The following GORASP1 variants were observed in gnomAD, a reference collection of about 807,000 sequenced individuals.
GORASP1 encodes golgi reassembly stacking protein 1, also known as Golgi reassembly-stacking protein 1.
In GORASP1, 31 loss-of-function variants were observed where a neutral mutation model predicts 37.7. The ratio of observed to expected loss-of-function variants is 0.82; its 90% CI spans 0.62 to 1.11. GORASP1 has a LOEUF of 1.11. Ranked by LOEUF, GORASP1 falls within the 50% of genes least tolerant of loss-of-function variation. The probability of loss-of-function intolerance (pLI) is 0.00; values close to 1 mark genes in which losing one functional copy is unlikely to be tolerated. For synonymous variants in GORASP1, 204 were observed against 224.8 expected (o/e 0.91, Z 0.83); for missense variants, 476 against 560.7 (o/e 0.85, Z 1.53).
rs762156652 is a variant in GORASP1, at chr3:39,100,041, A to C, written c.765+264T>G. Among the ~76,000 whole-genome samples the C allele has an allele frequency of 2.6e-5, 4 of 152,184 alleles. No individual in the cohort carries two copies. The highest frequency in any genetic ancestry group is 4.4e-5 in the Non-Finnish European group (3 of 68,026). ...GCCACAACTCACAGGCACAGCAAGC[A>C]CCCATCTCTGAGCCTCAGTTTCCCA... On this transcript the variant is annotated intron_variant, in intron 6 of 8. Coordinates refer to ENST00000319283, the MANE Select transcript of GORASP1 (RefSeq NM_031899.4). This position sits in a 1 kb window ranked among gnomAD's most constrained non-coding sequence, Gnocchi z 4.6.
At position 39,098,611 on chromosome 3, in the gene GORASP1, A is replaced by C; in HGVS notation, c.1070-122T>G. 1 of 1,497,550 alleles carries C rather than the reference A, an allele frequency of 6.7e-7. No homozygotes were observed. The highest frequency in any genetic ancestry group is 1.3e-5 in the South Asian group (1 of 77,532). The allele number at this position is 1,497,550 out of a possible 1,614,324, so 92.8% of individuals were successfully genotyped here. A position where few individuals can be genotyped will look rare whatever the true frequency, so the allele number is the denominator to read the frequency against. The stretch of plus-strand genomic sequence containing the variant: ...AGGTTTGATGGGGGATTGGAGATGG[A>C]GTGTACAAATGCCTTGGTGTGGCTG... On this transcript the variant is annotated intron_variant, in intron 8 of 8. Transcript: ENST00000319283. The surrounding 1 kb of genome is among the most constrained non-coding windows in gnomAD (Gnocchi z 4.7).
rs1281729386 is a variant in GORASP1 at position 39,096,798 on chromosome 3, A to T, written c.*1438T>A. On this transcript the variant is annotated 3_prime_UTR_variant, in exon 9 of 9. Coordinates refer to ENST00000319283, the MANE Select transcript of GORASP1 (RefSeq NM_031899.4). ...TGATACCCATTTTATCCTCCAACTT[A>T]TGGGGGAAGGGAAAGTAAAAGTGAG... 1 of 152,232 alleles carries T rather than the reference A, an allele frequency of 6.6e-6. No homozygotes were observed. The highest frequency in any genetic ancestry group is 1.9e-4 in the East Asian group (1 of 5,178). 9.4% of individuals were successfully genotyped at this position (152,232 alleles called of 1,614,324 possible).
chr3:39,099,546 G>T, intron 6 of GORASP1, 43 bp from the exon 7 acceptor site: 1 of 1,583,010 alleles, frequency 6.3e-7, no homozygotes, highest in Non-Finnish European at 8.6e-7. Flanking sequence ...TCAGGACAGT[G>T]CCTCAAGGTG....
In GORASP1 at chr3:39,100,762, C is replaced by G; in HGVS notation, c.551G>C (p.Trp184Ser). 8 of 1,613,998 alleles carry G rather than the reference C, an allele frequency of 5.0e-6. No homozygotes were observed. Among genetic ancestry groups the G allele is most frequent in the Non-Finnish European group, 5.9e-6 (7 of 1,180,000 alleles). Residue 184 changes from tryptophan to serine, a missense_variant, in exon 5 of 9, where the codon TGG becomes TCG. Physicochemically the swap from Trp to Ser is radical, Grantham distance 177. Transcript: ENST00000319283. The surrounding 1 kb of genome is among the most constrained non-coding windows in gnomAD (Gnocchi z 4.6). ...CACGAAGTACCTGCCCTCTCCACCC[C>G]AGGCTGCGTTGGGAGTTACAGTCAC... ...REVTVTPNAA[W>S]GGEGSLGCGI...
chr3:39,104,534 GC>G (rs2035917045), intron 1 of GORASP1, among the ~76,000 whole-genome samples: 1 of 152,206 alleles, frequency 6.6e-6, no homozygotes, highest in Non-Finnish European at 1.5e-5. Flanking sequence ...GCCAGACCCA[GC>G]CCAGAGGGCA....
intron 1 of GORASP1, 38 bp downstream of exon 1, chr3:39,107,441 G>T: frequency 2.4e-6 from 3 of 1,268,074 alleles, no homozygotes; most frequent in Non-Finnish European, 3.0e-6. Context: ...GGTTGCGGGC[G>T]CCTCGCCAAG....
In GORASP1 at chr3:39,100,590, G is replaced by T; in HGVS notation, c.567-87C>A. The T allele has an allele frequency of 6.7e-7, 1 of 1,481,562 alleles. No individual in the cohort carries two copies. Among genetic ancestry groups the T allele is most frequent in the Non-Finnish European group, 9.1e-7 (1 of 1,099,686 alleles). The allele number at this position is 1,481,562 out of a possible 1,614,324, so 91.8% of individuals were successfully genotyped here. On this transcript the variant is annotated intron_variant, in intron 5 of 8. Transcript: ENST00000319283. The surrounding 1 kb of genome is among the most constrained non-coding windows in gnomAD (Gnocchi z 4.6). ...ATCCCCACCTACTACCAGCAATAAG[G>T]GGGCTGAAAAGGGTACTTCTGAAAT... is the stretch of plus-strand genomic sequence containing the variant.
rs903536010 is a variant in GORASP1 at position 39,106,898 on chromosome 3, A to G, written c.63+581T>C. 1.7e-5 allele frequency: 5 copies of G among 301,300 alleles called. No homozygotes were observed. The Admixed American group carries it at 1.7e-4, about 10-fold the overall frequency. 18.7% of individuals were successfully genotyped at this position (301,300 alleles called of 1,614,324 possible). ...TCCCCAGCTGCAAACGCTCTCCTCG[A>G]GGATTCTGCAGCACTCTCCCGGCCC... On this transcript the variant is annotated intron_variant, in intron 1 of 8. Coordinates refer to ENST00000319283, the MANE Select transcript of GORASP1 (RefSeq NM_031899.4).
rs2035492187 is a variant in GORASP1, at chr3:39,098,636, G to C, written c.1069+105C>G. 1.3e-6 allele frequency: 2 copies of C among 1,511,364 alleles called. No individual in the cohort carries two copies. The highest frequency in any genetic ancestry group is 1.3e-5 in the South Asian group (1 of 78,784). 93.6% of individuals were successfully genotyped at this position (1,511,364 alleles called of 1,614,324 possible). On this transcript the variant is annotated intron_variant, in intron 8 of 8. Coordinates refer to ENST00000319283, the MANE Select transcript of GORASP1 (RefSeq NM_031899.4). The surrounding 1 kb of genome is among the most constrained non-coding windows in gnomAD (Gnocchi z 4.7). ...AGTGTACAAATGCCTTGGTGTGGCT[G>C]TATCAACCCGATGGCCCACTTCTGC...
In GORASP1 at chr3:39,098,012, T is replaced by C; in HGVS notation, c.*224A>G. The C allele has an allele frequency of 1.7e-6, 1 of 579,088 alleles. No individual in the cohort carries two copies. Among genetic ancestry groups the C allele is most frequent in the East Asian group, 2.9e-5 (1 of 34,402 alleles). 35.9% of individuals were successfully genotyped at this position (579,088 alleles called of 1,614,324 possible). On this transcript the variant is annotated 3_prime_UTR_variant, in exon 9 of 9. Transcript: ENST00000319283. The surrounding 1 kb of genome is among the most constrained non-coding windows in gnomAD (Gnocchi z 4.7). Reference sequence around the variant, plus strand: ...TGGATTATGACCAGACCCTGCTGCCTCCTGGGAAGCCCCAGTGACCAGAGC... The same window carrying C: ...TGGATTATGACCAGACCCTGCTGCCCCCTGGGAAGCCCCAGTGACCAGAGC...
intron 1 of GORASP1, chr3:39,106,978 C>T (rs762409112): frequency 2.3e-6 from 1 of 434,692 alleles, no homozygotes; most frequent in South Asian, 1.6e-5. Flanking sequence ...CCCTCGGAAG[C>T]CCTTACGACC....
intron 6 of GORASP1, 119 bp from the exon 7 acceptor site, chr3:39,099,622 G>T (rs2035569714): frequency 1.8e-6 from 2 of 1,082,404 alleles, no homozygotes. Context: ...TCTGCCTAAA[G>T]GAAGGAAATG....
rs1189059413 is a variant in GORASP1, at chr3:39,100,079, AGAT to A, written c.765+223_765+225del. Among the ~76,000 whole-genome samples the A allele has an allele frequency of 6.6e-6, 1 of 152,252 alleles. No individual in the cohort carries two copies. Among genetic ancestry groups the A allele is most frequent in the Non-Finnish European group, 1.5e-5 (1 of 68,044 alleles). The stretch of plus-strand genomic sequence containing the variant: ...CCTCAGTTTCCCACTCATGAAATGA[AGAT>A]GACAACTGGTGCTTCACCTCCACCC... On this transcript the variant is annotated intron_variant, in intron 6 of 8. Coordinates refer to ENST00000319283, the MANE Select transcript of GORASP1 (RefSeq NM_031899.4). The surrounding 1 kb of genome is among the most constrained non-coding windows in gnomAD (Gnocchi z 4.6).
Position 39,103,191 on chromosome 3 carries a change from A to G in GORASP1, c.144+282T>C. The G allele has an allele frequency of 1.7e-6, 1 of 587,518 alleles. No individual in the cohort carries two copies. Among genetic ancestry groups the G allele is most frequent in the Non-Finnish European group, 3.0e-6 (1 of 329,802 alleles). 36.4% of individuals were successfully genotyped at this position (587,518 alleles called of 1,614,324 possible). A position where few individuals can be genotyped will look rare whatever the true frequency, so the allele number is the denominator to read the frequency against. On this transcript the variant is annotated intron_variant, in intron 2 of 8. Transcript: ENST00000319283. This position sits in a 1 kb window ranked among gnomAD's most constrained non-coding sequence, Gnocchi z 5.2. ...CCCCACTCTGAGCTGCCCCTTGGCC[A>G]GGGCCCTCATATCCCTCATGCCCCA... is the stretch of plus-strand genomic sequence containing the variant.
Position 39,098,336 on chromosome 3 carries a change from T to C in GORASP1, c.1223A>G (p.Glu408Gly). 6.2e-7 allele frequency: 1 copy of C among 1,614,168 alleles called. No homozygotes were observed. The highest frequency in any genetic ancestry group is 8.5e-7 in the Non-Finnish European group (1 of 1,180,022). Reference protein sequence around the residue: ...PEDGLSAELLEAQAEEEPAST... With the variant: ...PEDGLSAELLGAQAEEEPAST... Reference sequence around the variant, plus strand: ...TGCTGGTTCCTCCTCAGCCTGAGCTTCAAGCAGCTCGGCGGACAGCCCATC... The same window carrying C: ...TGCTGGTTCCTCCTCAGCCTGAGCTCCAAGCAGCTCGGCGGACAGCCCATC... Residue 408 changes from glutamate to glycine, a missense_variant, in exon 9 of 9, where the codon GAA (glutamate) becomes GGA (glycine). Glu to Gly is a moderately conservative substitution (Grantham distance 98, BLOSUM62 -2). Transcript: ENST00000319283. The surrounding 1 kb of genome is among the most constrained non-coding windows in gnomAD (Gnocchi z 4.7).
In GORASP1 at chr3:39,096,831, A is replaced by ATTCC. The variant is rs1220082304; in HGVS notation, c.*1404_*1405insGGAA. The ATTCC allele has an allele frequency of 6.6e-6, 1 of 152,202 alleles. No individual in the cohort carries two copies. The highest frequency in any genetic ancestry group is 1.5e-5 in the Non-Finnish European group (1 of 68,030). 9.4% of individuals were successfully genotyped at this position (152,202 alleles called of 1,614,324 possible). The stretch of plus-strand genomic sequence containing the variant: ...AGGGAAAGTAAAAGTGAGGGAGGGA[A>ATTCC]GAGCCAGAACCTTTGGGTGAGGGCA... On this transcript the variant is annotated 3_prime_UTR_variant, in exon 9 of 9. Coordinates refer to ENST00000319283, the MANE Select transcript of GORASP1 (RefSeq NM_031899.4).
At position 39,098,553 on chromosome 3, in the gene GORASP1, G is replaced by T; in HGVS notation, c.1070-64C>A. On this transcript the variant is annotated intron_variant, in intron 8 of 8. Transcript: ENST00000319283. This position sits in a 1 kb window ranked among gnomAD's most constrained non-coding sequence, Gnocchi z 4.7. The stretch of plus-strand genomic sequence containing the variant: ...ACCTAGGGCCATGGTGTTAGGGCCA[G>T]TAACCCCACCGACCGCTCCCCATTG... The T allele has an allele frequency of 6.4e-7, 1 of 1,555,354 alleles. No homozygotes were observed. The highest frequency in any genetic ancestry group is 8.7e-7 in the Non-Finnish European group (1 of 1,148,860).
Position 39,096,952 on chromosome 3 carries a change from T to C in GORASP1, c.*1284A>G, listed in dbSNP as rs540197050. ...TTCTACTTCCTGCATTCCAGCAGAC[T>C]TGACACTGGGCTCCCAGACGATCCA... On this transcript the variant is annotated 3_prime_UTR_variant, in exon 9 of 9. Coordinates refer to ENST00000319283, the MANE Select transcript of GORASP1 (RefSeq NM_031899.4). 2.0e-5 allele frequency: 3 copies of C among 152,402 alleles called. No homozygotes were observed. Among genetic ancestry groups the C allele is most frequent in the African/African-American group, 7.2e-5 (3 of 41,582 alleles). 9.4% of individuals were successfully genotyped at this position (152,402 alleles called of 1,614,324 possible). A position where few individuals can be genotyped will look rare whatever the true frequency, so the allele number is the denominator to read the frequency against.
chr3:39,101,893 T>C (rs1249256730), intron 3 of GORASP1, among the ~76,000 whole-genome samples: 3 of 152,176 alleles, frequency 2.0e-5, no homozygotes, highest in East Asian at 3.8e-4. Flanking sequence ...GGCACAGGTG[T>C]TGGGTGTGCA....
Sources: gnomAD v4.1 joint callset for allele counts (sites outside exome capture counted in the v4.1 genomes callset) on GRCh38, gnomAD v4.1.1 for gene constraint, Gnocchi (gnomAD v3.1) non-coding constraint, MANE v1.5 for transcripts, NCBI Gene and HGNC (gene_info 2026-07-23, HGNC 2026-07-21) for gene names.